SH3RF2: variants seen among roughly 807,000 people sequenced by gnomAD.
SH3RF2 encodes E3 ubiquitin-protein ligase SH3RF2.
Under a neutral mutation model 59.0 loss-of-function variants are expected in SH3RF2, and 43 were observed. That is an observed-to-expected ratio of 0.73 (90% CI 0.57 to 0.94). The LOEUF is 0.94. SH3RF2 is among the 40% of genes least tolerant of loss of function. The pLI is 0.00. For synonymous variants in SH3RF2, 391 were observed against 391.5 expected, an observed-to-expected ratio of 1.00 and a Z score of 0.01; for missense variants, 930 against 940.1, an observed-to-expected ratio of 0.99 and a Z score of 0.14.
At chr5:146,061,050 C>A (rs991967463) in intron 9 of SH3RF2, among the ~76,000 whole-genome samples, 1 of 152,216 alleles carries the variant, frequency 6.6e-6, no homozygotes, top group Admixed American at 6.5e-5. Context: ...CCACCATCAT[C>A]GTCCATTCCC....
intron 4 of SH3RF2, 59 bp downstream of exon 4, chr5:146,004,212 C>T: frequency 7.2e-7 from 1 of 1,384,498 alleles, no homozygotes; most frequent in Non-Finnish European, 1.0e-6. Flanking sequence ...TCATGTGCTA[C>T]AGTGATGCCT....
chr5:146,037,385 G>T (rs189991185), intron 5 of SH3RF2, among the ~76,000 whole-genome samples: 164 of 152,300 alleles, frequency 1.1e-3, no homozygotes, highest in African/African-American at 3.7e-3. Flanking sequence ...AGCTACAAAA[G>T]TCCTCCTAAC....
chr5:145,989,738 G>A (rs1479829418), intron 2 of SH3RF2, among the ~76,000 whole-genome samples: 1 of 152,192 alleles, frequency 6.6e-6, no homozygotes, highest in East Asian at 1.9e-4. Context: ...TTGGTGGGAA[G>A]CATTGCCAGG....
rs115805904 is a variant in SH3RF2, at chr5:145,938,720, G to A, written c.378+414G>A. Among the ~76,000 whole-genome samples, 1,053 of 152,322 alleles carry A rather than the reference G, an allele frequency of 6.9e-3. 8 individuals carry two copies. The highest frequency in any genetic ancestry group is 0.011 in the Admixed American group (163 of 15,302). ...TGAGATCTCTCAGAAATTTCCAAAT[G>A]TCAGGTTTTGTTTGAATTTTACCCA... On this transcript the variant is annotated intron_variant, in intron 2 of 9. Coordinates refer to ENST00000359120, the MANE Select transcript of SH3RF2 (RefSeq NM_152550.4).
intron 5 of SH3RF2, among the ~76,000 whole-genome samples, chr5:146,026,894 T>C (rs1195571721): frequency 6.6e-6 from 1 of 152,216 alleles, no homozygotes; most frequent in East Asian, 1.9e-4. Context: ...GCAATGCTTA[T>C]ACATGAGATA....
At chr5:146,032,635 C>T (rs923653247) in intron 5 of SH3RF2, among the ~76,000 whole-genome samples, 1 of 152,178 alleles carries the variant, frequency 6.6e-6, no homozygotes, top group African/African-American at 2.4e-5. Flanking sequence ...GCTATCTTGG[C>T]TCTCCTTCAG....
At chr5:146,002,148 C>T (rs966392338) in intron 3 of SH3RF2, among the ~76,000 whole-genome samples, 14 of 152,168 alleles carry the variant, frequency 9.2e-5, no homozygotes, top group South Asian at 2.1e-4. Context: ...TAGGGTAGAC[C>T]GACATTAAAG....
chr5:145,951,503 G>A (rs1198856281), intron 2 of SH3RF2, among the ~76,000 whole-genome samples: 3 of 152,024 alleles, frequency 2.0e-5, no homozygotes, highest in Non-Finnish European at 2.9e-5. Flanking sequence ...CTAAAATCTC[G>A]CATCTGCAAG....
At chr5:146,046,248 T>C (rs1762299433) in intron 5 of SH3RF2, among the ~76,000 whole-genome samples, 1 of 152,160 alleles carries the variant, frequency 6.6e-6, no homozygotes, top group Non-Finnish European at 1.5e-5. Context: ...ACCACATGTG[T>C]GAACAAAACA....
chr5:145,997,804 A>G (rs1256739183), intron 2 of SH3RF2: 3 of 1,528,576 alleles, frequency 2.0e-6, no homozygotes, highest in Admixed American at 1.7e-5. Context: ...AAAAAAATTA[A>G]GCTAGGATCC....
intron 4 of SH3RF2, among the ~76,000 whole-genome samples, chr5:146,004,721 G>T (rs1760569446): frequency 6.6e-6 from 1 of 151,670 alleles, no homozygotes. Flanking sequence ...AATAAATGGA[G>T]AATAATATTT....
At chr5:145,970,358 T>G (rs1214579775) in intron 2 of SH3RF2, among the ~76,000 whole-genome samples, 1 of 152,154 alleles carries the variant, frequency 6.6e-6, no homozygotes, top group African/African-American at 2.4e-5. Flanking sequence ...CACTTATAAG[T>G]GAGAACATAC....
intron 4 of SH3RF2, among the ~76,000 whole-genome samples, chr5:146,012,109 A>T (rs1335059785): frequency 1.3e-5 from 2 of 152,170 alleles, no homozygotes; most frequent in East Asian, 3.8e-4. Context: ...GAATTTTATC[A>T]AAGGCCTTTT....
At chr5:146,033,608 T>TTACAGGCAC (rs1374832246) in intron 5 of SH3RF2, among the ~76,000 whole-genome samples, 4 of 151,566 alleles carry the variant, frequency 2.6e-5, no homozygotes, top group African/African-American at 9.7e-5. Flanking sequence ...GAAGCTGGGA[T>TTACAGGCAC]TACAGGCACG....
At position 145,947,153 on chromosome 5, in the gene SH3RF2, CAT is replaced by C. The variant is rs10630349; in HGVS notation, c.378+8864_378+8865del. Among the ~76,000 whole-genome samples, 1,267 of 145,706 alleles carry C rather than the reference CAT, an allele frequency of 8.7e-3. 14 individuals are homozygous for C. Among genetic ancestry groups the C allele is most frequent in the African/African-American group, 0.028 (1,117 of 40,080 alleles). On this transcript the variant is annotated intron_variant, in intron 2 of 9. Coordinates refer to ENST00000359120, the MANE Select transcript of SH3RF2 (RefSeq NM_152550.4). ...AATAACTTTCCATTCTGTCCTCTCCCATATATATATATATATATTTAAAATAA... is the reference window on the plus strand; with the variant it reads ...AATAACTTTCCATTCTGTCCTCTCCCATATATATATATATATTTAAAATAA...
intron 4 of SH3RF2, among the ~76,000 whole-genome samples, chr5:146,008,107 A>G (rs1760721660): frequency 6.6e-6 from 1 of 152,230 alleles, no homozygotes; most frequent in Non-Finnish European, 1.5e-5. Context: ...AGGTGATAAA[A>G]CAAAGGCTGA....
downstream of SH3RF2, among the ~76,000 whole-genome samples, chr5:146,063,896 T>TAAA (rs1290238533): frequency 6.6e-6 from 1 of 152,074 alleles, no homozygotes; most frequent in Non-Finnish European, 1.5e-5. Flanking sequence ...CACAACATGC[T>TAAA]AAAAAACAAC....
At chr5:145,987,360 C>A (rs1759753946) in intron 2 of SH3RF2, among the ~76,000 whole-genome samples, 1 of 152,170 alleles carries the variant, frequency 6.6e-6, no homozygotes, top group Admixed American at 6.5e-5. Flanking sequence ...CCGAAGCCCC[C>A]AAAGTCTATT....
At chr5:145,994,508 C>T (rs1381130829) in intron 2 of SH3RF2, among the ~76,000 whole-genome samples, 3 of 152,174 alleles carry the variant, frequency 2.0e-5, no homozygotes, top group African/African-American at 7.2e-5. Context: ...GGGGAGGCCT[C>T]AGAATCATGG....
Sources: gnomAD v4.1 joint callset for allele counts (sites outside exome capture counted in the v4.1 genomes callset) on GRCh38, gnomAD v4.1.1 for gene constraint, MANE v1.5 for transcripts, NCBI Gene and HGNC (gene_info 2026-07-23, HGNC 2026-07-21) for gene names.